EPB41L4B: variants seen among roughly 807,000 people sequenced by gnomAD.
EPB41L4B encodes band 4.1-like protein 4B.
In EPB41L4B, 30 loss-of-function variants were observed where a neutral mutation model predicts 112.5. The observed-to-expected ratio is 0.27, with a 90% CI of 0.20 to 0.36. The LOEUF (loss-of-function observed/expected upper bound fraction) is 0.36. Among genes scored for constraint, EPB41L4B ranks in the 10% least tolerant of loss-of-function variants. EPB41L4B has a pLI of 1.00. For synonymous variants in EPB41L4B, 408 were observed against 439.7 expected (o/e 0.93, Z 0.90); for missense variants, 1,024 against 1,133.3 (o/e 0.90, Z 1.38).
At chr9:109,233,374 G>A (rs1834018862) in intron 15 of EPB41L4B, among the ~76,000 whole-genome samples, 1 of 152,124 alleles carries the variant, frequency 6.6e-6, no homozygotes, top group South Asian at 2.1e-4. Context: ...AGAAGCCTGA[G>A]TGGAAAGTTA....
chr9:109,219,823 G>C (rs1833513258), intron 15 of EPB41L4B, among the ~76,000 whole-genome samples: 1 of 152,048 alleles, frequency 6.6e-6, no homozygotes, highest in South Asian at 2.1e-4. Flanking sequence ...AGTATTGTGA[G>C]TCTAAGTATT....
At chr9:109,174,649 G>A (rs758631915) in intron 25 of EPB41L4B, 26 bp from the exon 26 acceptor site, 197 of 1,603,766 alleles carry the variant, frequency 1.2e-4, no homozygotes, top group Non-Finnish European at 3.0e-5. Flanking sequence ...TGACAAAATA[G>A]TGAGACAATC....
At chr9:109,284,713 C>T (rs996084851) in intron 1 of EPB41L4B, among the ~76,000 whole-genome samples, 2 of 152,182 alleles carry the variant, frequency 1.3e-5, no homozygotes, top group African/African-American at 4.8e-5. Flanking sequence ...TGGCTTCTCC[C>T]CAAGTTTTAA....
chr9:109,211,451 C>T lies in EPB41L4B; in HGVS notation c.1752+2249G>A, dbSNP rs554224640. ...GTCTACTAAAAATATAAAAATTAGC[C>T]AGGTGTGGTGGTGCGTGCCTGTAAT... On this transcript the variant is annotated intron_variant, in intron 17 of 25. Coordinates refer to ENST00000374566, the MANE Select transcript of EPB41L4B (RefSeq NM_019114.5). Among the ~76,000 whole-genome samples the T allele has an allele frequency of 2.6e-5, 4 of 151,676 alleles. No individual in the cohort carries two copies. In the East Asian group the frequency reaches 5.9e-4, roughly 22 times the overall value.
chr9:109,274,379 T>A (rs1042652543), intron 2 of EPB41L4B, among the ~76,000 whole-genome samples: 1 of 152,150 alleles, frequency 6.6e-6, no homozygotes, highest in Non-Finnish European at 1.5e-5. Flanking sequence ...GTGGCCCACA[T>A]CAGTGTTCAC....
intron 1 of EPB41L4B, among the ~76,000 whole-genome samples, chr9:109,295,478 C>T (rs1836701449): frequency 6.6e-6 from 1 of 152,154 alleles, no homozygotes; most frequent in Non-Finnish European, 1.5e-5. Flanking sequence ...CTGCCCAGGA[C>T]TCAGTATTAC....
intron 1 of EPB41L4B, among the ~76,000 whole-genome samples, chr9:109,319,848 C>G (rs1055638238): frequency 6.6e-6 from 1 of 152,042 alleles, no homozygotes; most frequent in Non-Finnish European, 1.5e-5. Context: ...ACTTGGGGAC[C>G]GTGTGTACTG....
chr9:109,204,465 C>G (rs1231046067), intron 18 of EPB41L4B, among the ~76,000 whole-genome samples: 1 of 152,174 alleles, frequency 6.6e-6, no homozygotes. Context: ...GTCTTACATC[C>G]TAATCAAAGC....
chr9:109,194,583 G>A (rs1435846784), intron 20 of EPB41L4B, among the ~76,000 whole-genome samples, 186 bp from the exon 21 acceptor site: 1 of 152,048 alleles, frequency 6.6e-6, no homozygotes, highest in Non-Finnish European at 1.5e-5. Context: ...ACAAATTGGG[G>A]TGAATTTTCT....
intron 2 of EPB41L4B, among the ~76,000 whole-genome samples, chr9:109,277,891 T>C (rs1451762159): frequency 1.3e-5 from 2 of 152,160 alleles, no homozygotes; most frequent in African/African-American, 4.8e-5. Context: ...GGCAGAATTC[T>C]GGATCTTGGA....
intron 15 of EPB41L4B, among the ~76,000 whole-genome samples, chr9:109,232,481 G>A (rs1315564055): frequency 2.0e-5 from 3 of 152,100 alleles, no homozygotes; most frequent in Non-Finnish European, 4.4e-5. Context: ...TCATTGTCAC[G>A]AAAGCTCAGC....
At chr9:109,182,697 A>G (rs1426836008) in intron 24 of EPB41L4B, 32 bp downstream of exon 24, 11 of 1,550,400 alleles carry the variant, frequency 7.1e-6, no homozygotes, top group Non-Finnish European at 8.9e-6. Context: ...ACAAGGGTTT[A>G]AAATGCACAT....
chr9:109,290,477 C>T (rs1836481641), intron 1 of EPB41L4B, among the ~76,000 whole-genome samples: 1 of 151,984 alleles, frequency 6.6e-6, no homozygotes, highest in African/African-American at 2.4e-5. Context: ...CATGTTCATC[C>T]CTAGAGATCA....
At chr9:109,206,779 G>C (rs939174177) in intron 18 of EPB41L4B, among the ~76,000 whole-genome samples, 1 of 152,136 alleles carries the variant, frequency 6.6e-6, no homozygotes, top group African/African-American at 2.4e-5. Context: ...CTATTTTATG[G>C]AGCTGGCCCA....
chr9:109,318,483 C>G (rs571904484), intron 1 of EPB41L4B, among the ~76,000 whole-genome samples: 41 of 152,088 alleles, frequency 2.7e-4, no homozygotes, highest in Non-Finnish European at 5.0e-4. Context: ...ATTTTATAAA[C>G]GAATCATCCC....
intron 4 of EPB41L4B, among the ~76,000 whole-genome samples, chr9:109,266,615 T>C (rs1403098741): frequency 1.3e-5 from 2 of 152,154 alleles, no homozygotes; most frequent in African/African-American, 4.8e-5. Flanking sequence ...TACTCAAATT[T>C]TCTTTTTCTT....
chr9:109,293,438 A>T (rs1287691185), intron 1 of EPB41L4B, among the ~76,000 whole-genome samples: 1 of 150,806 alleles, frequency 6.6e-6, no homozygotes, highest in Non-Finnish European at 1.5e-5. Context: ...GCTGGAGTGC[A>T]ATGGCATGAT....
chr9:109,307,818 G>A (rs1291600047), intron 1 of EPB41L4B, among the ~76,000 whole-genome samples: 3 of 147,780 alleles, frequency 2.0e-5, no homozygotes, highest in African/African-American at 4.9e-5. Context: ...AACCCTGGTC[G>A]CTTTCAGAAG....
intron 15 of EPB41L4B, among the ~76,000 whole-genome samples, chr9:109,231,901 AT>A (rs1361406151): frequency 1.3e-5 from 2 of 151,126 alleles, no homozygotes; most frequent in Non-Finnish European, 2.9e-5. Context: ...GACCAAGTTT[AT>A]TCAATCTTTT....
Sources: allele counts gnomAD v4.1 joint callset (sites outside exome capture counted in the v4.1 genomes callset), GRCh38; gene constraint gnomAD v4.1.1; transcripts MANE v1.5; gene names NCBI Gene and HGNC (gene_info 2026-07-23, HGNC 2026-07-21).